ARID2: variants seen among roughly 807,000 people sequenced by gnomAD.
ARID2 encodes the protein AT-rich interactive domain-containing protein 2.
ARID2 carries 32 observed loss-of-function variants against 184.6 expected under a neutral mutation model. The ratio of observed to expected loss-of-function variants is 0.17; its 90% CI spans 0.13 to 0.23. The LOEUF is 0.23. ARID2 is among the 10% of genes least tolerant of loss of function. The pLI is 1.00. For missense variants in ARID2, 1,696 were observed against 2,197.6 expected (o/e 0.77, Z 4.56); for synonymous variants, 836 against 772.6 (o/e 1.08, Z -1.36).
chr12:45,733,444 TA>T, intron 3 of ARID2, among the ~76,000 whole-genome samples: 1 of 152,346 alleles, frequency 6.6e-6, no homozygotes, highest in East Asian at 1.9e-4. Flanking sequence ...AGTGACTTGA[TA>T]AGTTACCTCT....
chr12:45,765,222 T>C (rs1941749494), intron 3 of ARID2, among the ~76,000 whole-genome samples: 1 of 152,184 alleles, frequency 6.6e-6, no homozygotes, highest in African/African-American at 2.4e-5. Flanking sequence ...TTTTCTTTTT[T>C]TTTGAGACAA....
intron 11 of ARID2, chr12:45,841,442 C>T (rs999695823): frequency 2.0e-5 from 3 of 151,316 alleles, no homozygotes; most frequent in African/African-American, 7.4e-5. Flanking sequence ...ATTACTTGTG[C>T]TCTCCCTGAA....
chr12:45,744,979 G>T (rs958246797), intron 3 of ARID2, among the ~76,000 whole-genome samples: 14 of 152,284 alleles, frequency 9.2e-5, no homozygotes, highest in African/African-American at 3.4e-4. Flanking sequence ...TAGCTTAAAT[G>T]TGTGTGTTTG....
intron 16 of ARID2, among the ~76,000 whole-genome samples, chr12:45,867,595 T>G (rs1943850915): frequency 6.6e-6 from 1 of 151,248 alleles, no homozygotes; most frequent in Non-Finnish European, 1.5e-5. Context: ...ACAAAAAAAT[T>G]AGCCGGGCAT....
At chr12:45,794,311 A>C (rs1339226815) in intron 3 of ARID2, among the ~76,000 whole-genome samples, 2 of 152,212 alleles carry the variant, frequency 1.3e-5, no homozygotes, top group Non-Finnish European at 2.9e-5. Flanking sequence ...CTTTCCATAG[A>C]GCTGAGCAAC....
At position 45,851,877 on chromosome 12, in the gene ARID2, G is replaced by A. The variant is rs2138174317; in HGVS notation, c.3754G>A (p.Glu1252Lys). 6.2e-7 allele frequency: 1 copy of A among 1,614,200 alleles called. No homozygotes were observed. Among genetic ancestry groups the A allele is most frequent in the African/African-American group, 1.3e-5 (1 of 75,068 alleles). The change falls in exon 15 of 21, where the codon GAA (glutamate) becomes AAA (lysine). Residue 1252 changes from glutamate (E) to lysine (K), a missense_variant. This residue lies in a region of ARID2 where 428 missense variants were observed against 409.1 expected (regional missense o/e 1.05). Transcript: ENST00000334344. ...IICQKEEEAK[E>K]ATGLHVHERK... is the part of the protein sequence containing the mutation. ...TTGCCAAAAGGAGGAGGAAGCAAAG[G>A]AAGCAACAGGTTTACATGTTCATGA...
chr12:45,891,310 T>G (rs917287672), intron 16 of ARID2, among the ~76,000 whole-genome samples: 1 of 152,252 alleles, frequency 6.6e-6, no homozygotes, highest in Non-Finnish European at 1.5e-5. Context: ...CTGACTTTCT[T>G]CAGTTTTGTG....
chr12:45,735,246 G>C (rs2137969042), intron 3 of ARID2, among the ~76,000 whole-genome samples: 1 of 152,048 alleles, frequency 6.6e-6, no homozygotes, highest in South Asian at 2.1e-4. Flanking sequence ...ATTCTTTTAA[G>C]AGAAAGCCTT....
At chr12:45,894,795 G>T (rs1262842969) in intron 20 of ARID2, among the ~76,000 whole-genome samples, 1 of 150,740 alleles carries the variant, frequency 6.6e-6, no homozygotes, top group Non-Finnish European at 1.5e-5. Flanking sequence ...TCATGATTTA[G>T]TTCATAACAT....
intron 5 of ARID2, among the ~76,000 whole-genome samples, chr12:45,818,150 T>C (rs1281853042): frequency 2.6e-5 from 4 of 152,158 alleles, no homozygotes; most frequent in East Asian, 1.9e-4. Flanking sequence ...TTGAGACGAT[T>C]GCTTGCTACA....
intron 8 of ARID2, 55 bp from the exon 9 acceptor site, chr12:45,837,266 A>G (rs2138129821): frequency 7.3e-7 from 1 of 1,368,784 alleles, no homozygotes; most frequent in South Asian, 1.4e-5. Context: ...TTAAATTTGA[A>G]GTATACAACT....
intron 3 of ARID2, among the ~76,000 whole-genome samples, chr12:45,732,937 A>G (rs1480176612): frequency 6.6e-6 from 1 of 152,034 alleles, no homozygotes; most frequent in Non-Finnish European, 1.5e-5. Context: ...TTGTTTTTCC[A>G]GTTGTCATTT....
intron 3 of ARID2, among the ~76,000 whole-genome samples, chr12:45,753,115 T>C (rs892300680): frequency 1.3e-5 from 2 of 151,458 alleles, no homozygotes; most frequent in East Asian, 3.9e-4. Flanking sequence ...AATACAAAAT[T>C]AGCTGGGTGT....
intron 3 of ARID2, among the ~76,000 whole-genome samples, chr12:45,752,652 G>T (rs1941485308): frequency 6.6e-6 from 1 of 152,148 alleles, no homozygotes; most frequent in Admixed American, 6.5e-5. Flanking sequence ...CTCCTGAGTA[G>T]CTAGGACTCA....
At chr12:45,888,119 T>C (rs545739162) in intron 16 of ARID2, among the ~76,000 whole-genome samples, 124 of 148,614 alleles carry the variant, frequency 8.3e-4, no homozygotes, top group African/African-American at 3.0e-3. Context: ...GGTGTGAACC[T>C]GGGAGGCGGA....
At chr12:45,787,947 G>A (rs1343223020) in intron 3 of ARID2, among the ~76,000 whole-genome samples, 1 of 152,042 alleles carries the variant, frequency 6.6e-6, no homozygotes, top group Non-Finnish European at 1.5e-5. Flanking sequence ...GCATTCATAG[G>A]GCACATTAAG....
intron 11 of ARID2, among the ~76,000 whole-genome samples, chr12:45,842,877 A>T (rs1008282474): frequency 6.6e-6 from 1 of 152,168 alleles, no homozygotes; most frequent in Non-Finnish European, 1.5e-5. Context: ...AATGACTATT[A>T]CTTACTGCTA....
chr12:45,864,582 C>T (rs1032311408), intron 16 of ARID2, among the ~76,000 whole-genome samples: 5 of 149,932 alleles, frequency 3.3e-5, no homozygotes, highest in African/African-American at 1.2e-4. Context: ...TTTCCTGATA[C>T]TGTTTAGCAT....
intron 15 of ARID2, among the ~76,000 whole-genome samples, chr12:45,859,028 T>C (rs914912813): frequency 1.3e-5 from 2 of 152,218 alleles, no homozygotes; most frequent in East Asian, 3.8e-4. Context: ...CATAGTAGCC[T>C]TGTATGTTTG....
Sources: allele counts gnomAD v4.1 joint callset (sites outside exome capture counted in the v4.1 genomes callset), GRCh38; gene constraint gnomAD v4.1.1; regional missense constraint gnomAD v4.1.1; transcripts MANE v1.5; gene names NCBI Gene and HGNC (gene_info 2026-07-23, HGNC 2026-07-21).